The following ABCA6 variants were observed in gnomAD, a reference collection of about 807,000 sequenced individuals.
ABCA6 encodes ATP-binding cassette sub-family A member 6.
A neutral mutation model predicts 191.2 loss-of-function variants in ABCA6; 164 were observed. The observed-to-expected ratio is 0.86, with a 90% CI of 0.76 to 0.98. ABCA6 has a LOEUF of 0.98. Among genes scored for constraint, ABCA6 ranks in the 50% least tolerant of loss-of-function variants. The pLI, the probability that ABCA6 is intolerant of heterozygous loss-of-function variation, is 0.00. For synonymous variants in ABCA6, 636 were observed against 647.7 expected, an observed-to-expected ratio of 0.98 and a Z score of 0.27; for missense variants, 1,958 against 1,894.1, an observed-to-expected ratio of 1.03 and a Z score of -0.63.
intron 22 of ABCA6, among the ~76,000 whole-genome samples, chr17:69,098,863 A>G (rs1248752527): frequency 2.0e-5 from 3 of 152,186 alleles, no homozygotes; most frequent in Non-Finnish European, 4.4e-5. Flanking sequence ...AAAGTTCTGG[A>G]GATGCATTTC....
intron 26 of ABCA6, among the ~76,000 whole-genome samples, chr17:69,090,453 T>C (rs914586710): frequency 6.6e-6 from 1 of 152,222 alleles, no homozygotes; most frequent in African/African-American, 2.4e-5. Flanking sequence ...AACTAATTAT[T>C]ATTCATCCTT....
intron 7 of ABCA6, among the ~76,000 whole-genome samples, chr17:69,129,023 G>C (rs1423540701): frequency 6.6e-6 from 1 of 152,092 alleles, no homozygotes; most frequent in Non-Finnish European, 1.5e-5. Context: ...TTTGTTGCTA[G>C]GAAAGGGTGG....
intron 17 of ABCA6, chr17:69,110,596 C>T: frequency 2.0e-6 from 1 of 498,244 alleles, no homozygotes. Context: ...TCCCTTCCCT[C>T]TCTCCTGTCC....
chr17:69,130,172 C>T (rs1295328501), intron 6 of ABCA6, among the ~76,000 whole-genome samples: 1 of 152,040 alleles, frequency 6.6e-6, no homozygotes, highest in African/African-American at 2.4e-5. Context: ...AAAAAATTAG[C>T]CAGGCATGGT....
rs1423593099 is a variant in ABCA6, at chr17:69,139,157, G to T, written c.96+1451C>A. On this transcript the variant is annotated intron_variant, in intron 2 of 38. Coordinates refer to ENST00000284425, the MANE Select transcript of ABCA6 (RefSeq NM_080284.3). ...AAGAAACTACCATCAGGGTGAACAG[G>T]CAACCTACAAAACGGGAGAAAATTT... is the stretch of plus-strand genomic sequence containing the variant. 2.0e-5 allele frequency among the ~76,000 whole-genome samples: 3 copies of T among 152,024 alleles called. No homozygotes were observed. The East Asian group carries it at 5.8e-4, about 29-fold the overall frequency.
intron 28 of ABCA6, chr17:69,087,759 C>T (rs1197901576): frequency 2.2e-6 from 1 of 451,226 alleles, no homozygotes; most frequent in African/African-American, 2.0e-5. Context: ...CTCTCATTTT[C>T]TCTACTCAGT....
At chr17:69,140,458 T>G (rs760948038) in intron 2 of ABCA6, 150 bp downstream of exon 2, 9 of 414,924 alleles carry the variant, frequency 2.2e-5, no homozygotes, top group Non-Finnish European at 3.8e-5. Context: ...ATGTTATTCT[T>G]CAGTCTCTCA....
intron 25 of ABCA6, chr17:69,095,235 A>C (rs1375180600): frequency 1.6e-5 from 3 of 191,760 alleles, no homozygotes; most frequent in Admixed American, 4.7e-5. Flanking sequence ...GAAAGGATAA[A>C]TGGAAAGACC....
In ABCA6 at chr17:69,084,426, A is replaced by T; in HGVS notation, c.4260+6T>A. ...CTCTCCATAGAGCATCACACACCGC[A>T]CGTACCTTTCTCGTGATTCCTGCTG... On this transcript the variant is annotated splice_donor_region_variant and intron_variant, in intron 33 of 38. Coordinates refer to ENST00000284425, the MANE Select transcript of ABCA6 (RefSeq NM_080284.3). 3.1e-6 allele frequency: 5 copies of T among 1,614,146 alleles called. No homozygotes were observed. Among genetic ancestry groups the T allele is most frequent in the Non-Finnish European group, 2.5e-6 (3 of 1,180,000 alleles).
intron 18 of ABCA6, among the ~76,000 whole-genome samples, chr17:69,106,955 C>T (rs2073319959): frequency 6.6e-6 from 1 of 152,092 alleles, no homozygotes; most frequent in Admixed American, 6.6e-5. Context: ...AGTATCATTC[C>T]TCTGAGGGAT....
intron 20 of ABCA6, chr17:69,104,668 A>C (rs1568012402): frequency 3.3e-5 from 5 of 150,656 alleles, no homozygotes; most frequent in Non-Finnish European, 5.9e-5. Flanking sequence ...AAAAAACAAA[A>C]AAACAAAAAA....
intron 6 of ABCA6, among the ~76,000 whole-genome samples, chr17:69,133,083 C>T (rs1252978782): frequency 1.3e-5 from 2 of 152,176 alleles, no homozygotes; most frequent in African/African-American, 4.8e-5. Flanking sequence ...TTCTTACATG[C>T]CAGCCTTTGT....
chr17:69,126,001 T>G (rs1183527553), intron 8 of ABCA6, among the ~76,000 whole-genome samples: 1 of 152,108 alleles, frequency 6.6e-6, no homozygotes. Context: ...TAGAAAGCTT[T>G]TATTTTGCCT....
intron 16 of ABCA6, 153 bp from the exon 17 acceptor site, chr17:69,111,093 A>G (rs769284658): frequency 4.7e-6 from 3 of 640,436 alleles, no homozygotes; most frequent in Non-Finnish European, 7.4e-6. Flanking sequence ...GTAATCTATC[A>G]GTTTGAAAAT....
At chr17:69,113,563 T>C in intron 14 of ABCA6, 55 bp downstream of exon 14, 2 of 1,610,974 alleles carry the variant, frequency 1.2e-6, no homozygotes, top group South Asian at 2.2e-5. Flanking sequence ...GTAAAAGAAC[T>C]TGACATTTTG....
chr17:69,086,156 GACAA>G (rs553113309), intron 30 of ABCA6, among the ~76,000 whole-genome samples: 176 of 151,974 alleles, frequency 1.2e-3, no homozygotes, highest in East Asian at 8.3e-3. Flanking sequence ...AACCCAAACT[GACAA>G]ACAAACAATA....
In ABCA6 at chr17:69,107,781, G is replaced by C. The variant is rs1274950270; in HGVS notation, c.2304C>G (p.Asp768Glu). 1 of 1,611,794 alleles carries C rather than the reference G, an allele frequency of 6.2e-7. No homozygotes were observed. The highest frequency in any genetic ancestry group is 2.2e-5 in the East Asian group (1 of 44,772). ...DLFSDLDKCS[D>E]QGVTGYDISM... ...AAATGTCATAACCTGTCACTCCCTG[G>C]TCAGAACACTTATCCAGATCACTGA... is the stretch of plus-strand genomic sequence containing the variant. Residue 768 changes from aspartate to glutamate, a missense_variant, in exon 18 of 39, where the codon GAC becomes GAG. Asp to Glu is a conservative substitution (Grantham distance 45). Coordinates refer to ENST00000284425, the MANE Select transcript of ABCA6 (RefSeq NM_080284.3).
At chr17:69,082,429 A>C (rs2072660790) in intron 36 of ABCA6, among the ~76,000 whole-genome samples, 1 of 152,112 alleles carries the variant, frequency 6.6e-6, no homozygotes, top group Non-Finnish European at 1.5e-5. Context: ...AAGGTATGAA[A>C]ATTCCATTAA....
chr17:69,114,984 T>C (rs752036975), intron 12 of ABCA6, 47 bp from the exon 13 acceptor site: 2 of 1,369,388 alleles, frequency 1.5e-6, no homozygotes, highest in Admixed American at 4.3e-5. Context: ...ATACATTCTA[T>C]TAATATTCAT....
Sources: allele counts gnomAD v4.1 joint callset (sites outside exome capture counted in the v4.1 genomes callset), GRCh38; gene constraint gnomAD v4.1.1; transcripts MANE v1.5; gene names NCBI Gene and HGNC (gene_info 2026-07-23, HGNC 2026-07-21).